DNAH9: variants seen among roughly 807,000 people sequenced by gnomAD.
DNAH9 encodes DNAH9 variant protein.
Under a neutral mutation model 471.6 loss-of-function variants are expected in DNAH9, and 345 were observed. The observed-to-expected ratio is 0.73, with a 90% CI of 0.67 to 0.80. The LOEUF is 0.80. Among genes scored for constraint, DNAH9 ranks in the 30% least tolerant of loss-of-function variants. DNAH9 has a pLI of 0.00. For missense variants in DNAH9, 5,407 were observed against 5,609.2 expected (o/e 0.96, Z 1.15); for synonymous variants, 2,093 against 2,123.6 (o/e 0.99, Z 0.40).
chr17:11,665,103 AG>A, intron 15 of DNAH9, 135 bp downstream of exon 15: 1 of 741,086 alleles, frequency 1.3e-6, no homozygotes, highest in South Asian at 1.8e-5. Flanking sequence ...AATGATGCAC[AG>A]GAAAACAGAA....
intron 49 of DNAH9, 148 bp downstream of exon 49, chr17:11,835,046 A>G: frequency 8.8e-7 from 1 of 1,130,900 alleles, no homozygotes; most frequent in Non-Finnish European, 1.2e-6. Flanking sequence ...AAGCAAGCAA[A>G]CATTTCTTAG....
At chr17:11,710,346 C>T (rs533486233) in intron 26 of DNAH9, among the ~76,000 whole-genome samples, 4 of 152,126 alleles carry the variant, frequency 2.6e-5, no homozygotes, top group South Asian at 4.1e-4. Context: ...CTTATATGTA[C>T]AATTTTAAGC....
chr17:11,768,879 G>A (rs1329224765), intron 37 of DNAH9, among the ~76,000 whole-genome samples: 2 of 152,190 alleles, frequency 1.3e-5, no homozygotes, highest in Non-Finnish European at 2.9e-5. Flanking sequence ...AGAGGCCACA[G>A]AGAAAGAGGC....
chr17:11,757,808 G>A lies in DNAH9; in HGVS notation c.6995+116G>A, dbSNP rs1380439066. ...TCCCAAAGTCAGATGTTCCCAGAGC[G>A]ATCTCCTCCAGGCATGGCAGATGGC... is the stretch of plus-strand genomic sequence containing the variant. On this transcript the variant is annotated intron_variant, in intron 35 of 68. Transcript: ENST00000262442. 19 of 1,142,122 alleles carry A rather than the reference G, an allele frequency of 1.7e-5. 1 individual carries two copies. Among genetic ancestry groups the A allele is most frequent in the Middle Eastern group, 5.9e-4 (2 of 3,400 alleles). The allele number at this position is 1,142,122 out of a possible 1,614,324, so 70.7% of individuals were successfully genotyped here. A position where few individuals can be genotyped will look rare whatever the true frequency, so the allele number is the denominator to read the frequency against.
intron 14 of DNAH9, among the ~76,000 whole-genome samples, chr17:11,661,693 T>C (rs914582816): frequency 1.3e-5 from 2 of 152,146 alleles, no homozygotes; most frequent in Non-Finnish European, 2.9e-5. Context: ...AAAAGTGTGG[T>C]GTAATTTAAC....
chr17:11,793,387 C>A, intron 41 of DNAH9, 116 bp from the exon 42 acceptor site: 1 of 930,554 alleles, frequency 1.1e-6, no homozygotes, highest in Non-Finnish European at 1.6e-6. Flanking sequence ...ATCTGTTTAG[C>A]AAGACAAGCC....
intron 61 of DNAH9, among the ~76,000 whole-genome samples, chr17:11,916,379 T>C (rs952199207): frequency 1.3e-5 from 2 of 152,234 alleles, no homozygotes; most frequent in Non-Finnish European, 2.9e-5. Context: ...GTTCATCAAC[T>C]AGAGATTACT....
rs2073935147 is a variant in DNAH9, at chr17:11,669,271, T to C, written c.2928+11T>C. On this transcript the variant is annotated intron_variant, in intron 16 of 68. Transcript: ENST00000262442. The stretch of plus-strand genomic sequence containing the variant: ...TCTCCTCACTATCAGGTACTGGAGC[T>C]GCAGCCATCCTGCCCTCCAACTGTG... 6.2e-7 allele frequency: 1 copy of C among 1,609,254 alleles called. No individual in the cohort carries two copies. The highest frequency in any genetic ancestry group is 8.5e-7 in the Non-Finnish European group (1 of 1,176,896).
chr17:11,694,587 T>C, intron 22 of DNAH9, 140 bp downstream of exon 22: 1 of 697,510 alleles, frequency 1.4e-6, no homozygotes, highest in Non-Finnish European at 2.3e-6. Context: ...CCCAGCATCA[T>C]CACATACCTC....
intron 41 of DNAH9, among the ~76,000 whole-genome samples, chr17:11,790,421 C>A (rs4792177): frequency 0.67 from 101,997 of 151,718 alleles, 35,205 homozygotes; most frequent in African/African-American, 0.84. Flanking sequence ...TATTAAGTGC[C>A]CTTCTTTATC....
chr17:11,926,403 C>G (rs964919458), intron 62 of DNAH9, among the ~76,000 whole-genome samples: 1 of 152,126 alleles, frequency 6.6e-6, no homozygotes, highest in Non-Finnish European at 1.5e-5. Flanking sequence ...TGATGCTCTC[C>G]CTCTCCCCCT....
At position 11,822,517 on chromosome 17, in the gene DNAH9, C is replaced by G. The variant is rs750544274; in HGVS notation, c.8930C>G (p.Ala2977Gly). The G allele has an allele frequency of 1.2e-6, 2 of 1,614,218 alleles. No individual in the cohort carries two copies. The highest frequency in any genetic ancestry group is 2.2e-5 in the South Asian group (2 of 91,080). Residue 2977 changes from alanine to glycine, a missense_variant, in exon 47 of 69, where the codon GCC becomes GGC. Transcript: ENST00000262442. ...RKFPAIVNCT[A>G]IHWFHEWPQQ... ...TTCCCAGCCATTGTGAACTGCACAG[C>G]CATCCACTGGTTCCACGAGTGGCCT...
At chr17:11,882,999 G>C (rs1972777840) in intron 55 of DNAH9, 2 of 985,604 alleles carry the variant, frequency 2.0e-6, no homozygotes, top group Non-Finnish European at 2.4e-6. Flanking sequence ...CAAGGGCAAA[G>C]ACACTACAGC....
At chr17:11,833,746 G>A (rs1269348352) in intron 48 of DNAH9, among the ~76,000 whole-genome samples, 1 of 152,084 alleles carries the variant, frequency 6.6e-6, no homozygotes, top group Admixed American at 6.5e-5. Flanking sequence ...GTAGAAAAAG[G>A]GTTGGTTCCT....
intron 49 of DNAH9, among the ~76,000 whole-genome samples, chr17:11,841,966 T>A (rs1003529367): frequency 6.6e-5 from 10 of 152,158 alleles, no homozygotes; most frequent in Non-Finnish European, 1.3e-4. Context: ...TCCTTCTTTT[T>A]ATTTCCTTCC....
Position 11,892,700 on chromosome 17 carries a change from G to A in DNAH9, c.11283+753G>A, listed in dbSNP as rs1325976891. On this transcript the variant is annotated intron_variant, in intron 58 of 68. Coordinates refer to ENST00000262442, the MANE Select transcript of DNAH9 (RefSeq NM_001372.4). The surrounding 1 kb of genome is among the most constrained non-coding windows in gnomAD (Gnocchi z 4.3). Reference sequence around the variant, plus strand: ...CGTGTAGCTGGGATTACAGGTGTGCGCCACCAGGCCCAGCGAATTTTTTTT... The same window carrying A: ...CGTGTAGCTGGGATTACAGGTGTGCACCACCAGGCCCAGCGAATTTTTTTT... 5.9e-5 allele frequency among the ~76,000 whole-genome samples: 9 copies of A among 151,956 alleles called. No homozygotes were observed. The highest frequency in any genetic ancestry group is 1.2e-4 in the African/African-American group (5 of 41,360).
intron 20 of DNAH9, among the ~76,000 whole-genome samples, chr17:11,693,554 C>T (rs78479027): frequency 0.15 from 22,228 of 151,908 alleles, 1,742 homozygotes; most frequent in Middle Eastern, 0.2. Context: ...CCACGGCGCC[C>T]GGTCTAAATG....
chr17:11,875,296 T>A, intron 53 of DNAH9, 112 bp downstream of exon 53: 1 of 794,258 alleles, frequency 1.3e-6, no homozygotes, highest in South Asian at 1.8e-5. Flanking sequence ...GGTCTCTCCA[T>A]CAGGCTTCTC....
rs763317751 is a variant in DNAH9 at position 11,937,452 on chromosome 17, G to A, written c.12590G>A (p.Arg4197His). 1.2e-5 allele frequency: 20 copies of A among 1,613,872 alleles called. No individual in the cohort carries two copies. The highest frequency in any genetic ancestry group is 6.7e-5 in the Admixed American group (4 of 59,996). ...ACCCAAACCTCAGAAAAGCTCTTCCGCACTGTGCTGGAGCTGCAGCCTCGG... is the reference window on the plus strand; with the variant it reads ...ACCCAAACCTCAGAAAAGCTCTTCCACACTGTGCTGGAGCTGCAGCCTCGG... ...FLTQTSEKLFRTVLELQPRDS... is the reference protein window; with the variant it reads ...FLTQTSEKLFHTVLELQPRDS... The change falls in exon 66 of 69, where the codon CGC (arginine) becomes CAC (histidine). Residue 4197 changes from arginine (R) to histidine (H), a missense_variant. Physicochemically the swap from Arg to His is conservative, Grantham distance 29. Coordinates refer to ENST00000262442, the MANE Select transcript of DNAH9 (RefSeq NM_001372.4). This position sits in a 1 kb window ranked among gnomAD's most constrained non-coding sequence, Gnocchi z 4.1.
Sources: gnomAD v4.1 joint callset for allele counts (sites outside exome capture counted in the v4.1 genomes callset) on GRCh38, gnomAD v4.1.1 for gene constraint, Gnocchi (gnomAD v3.1) non-coding constraint, MANE v1.5 for transcripts, NCBI Gene and HGNC (gene_info 2026-07-23, HGNC 2026-07-21) for gene names.